The following SCGB2B2 variants were observed in gnomAD, a reference collection of about 807,000 sequenced individuals.
SCGB2B2 encodes secretoglobin family 2B member 2.
Under a neutral mutation model 7.6 loss-of-function variants are expected in SCGB2B2, and 11 were observed. That is an observed-to-expected ratio of 1.45 (90% CI 0.91 to 2.40). SCGB2B2 has a LOEUF of 2.40. SCGB2B2 is among the 30% of genes most tolerant of loss of function. The pLI is 0.00. For synonymous variants in SCGB2B2, 50 were observed against 48.6 expected, an observed-to-expected ratio of 1.03 and a Z score of -0.12; for missense variants, 104 against 115.4, an observed-to-expected ratio of 0.90 and a Z score of 0.45.
At chr19:34,671,462 A>G (rs747902290) in intron 1 of SCGB2B2, among the ~76,000 whole-genome samples, 23 of 151,666 alleles carry the variant, frequency 1.5e-4, no homozygotes, top group Non-Finnish European at 3.1e-4. Context: ...TTGCTATTCT[A>G]AGTGCTTTGT....
intron 1 of SCGB2B2, among the ~76,000 whole-genome samples, chr19:34,610,290 T>C (rs1305602943): frequency 6.6e-6 from 1 of 152,134 alleles, no homozygotes; most frequent in African/African-American, 2.4e-5. Context: ...CCAGGCTGTA[T>C]GCTCTTTATT....
At chr19:34,609,345 T>C (rs2065869872) in intron 1 of SCGB2B2, among the ~76,000 whole-genome samples, 1 of 152,072 alleles carries the variant, frequency 6.6e-6, no homozygotes, top group African/African-American at 2.4e-5. Flanking sequence ...CCTGTTTATT[T>C]TTTCTTTTTT....
chr19:34,626,634 G>T (rs902089749), intron 1 of SCGB2B2, among the ~76,000 whole-genome samples: 2 of 152,166 alleles, frequency 1.3e-5, no homozygotes, highest in Non-Finnish European at 2.9e-5. Flanking sequence ...ATGTCTGATT[G>T]GTGTACCTGA....
chr19:34,653,544 G>A (rs1293966117), intron 1 of SCGB2B2, among the ~76,000 whole-genome samples: 2 of 150,980 alleles, frequency 1.3e-5, no homozygotes, highest in East Asian at 3.8e-4. Context: ...AAAAGCTACA[G>A]TCTAATATCC....
chr19:34,652,999 C>T (rs2067198751), intron 1 of SCGB2B2, among the ~76,000 whole-genome samples: 1 of 151,222 alleles, frequency 6.6e-6, no homozygotes, highest in South Asian at 2.1e-4. Context: ...ATGTGGTATA[C>T]ATACACAATG....
Position 34,631,595 on chromosome 19 carries a change from G to A in SCGB2B2, c.-2031-35001C>T, listed in dbSNP as rs530192729. Among the ~76,000 whole-genome samples the A allele has an allele frequency of 3.0e-4, 46 of 152,014 alleles. 1 individual carries two copies. In the East Asian group the frequency reaches 8.7e-3, roughly 29 times the overall value. The stretch of plus-strand genomic sequence containing the variant: ...GGATATATACACTGAAACTATAAAA[G>A]ATTGCGGAGAAAAATTAAAGATCTA... On this transcript the variant is annotated intron_variant, in intron 1 of 3. Transcript: ENST00000601241.
At chr19:34,644,863 T>C (rs1242895607) in intron 1 of SCGB2B2, among the ~76,000 whole-genome samples, 3 of 152,264 alleles carry the variant, frequency 2.0e-5, no homozygotes, top group African/African-American at 7.2e-5. Flanking sequence ...AAGGCTCATA[T>C]GTAATAAGTA....
chr19:34,650,973 C>T lies in SCGB2B2; in HGVS notation c.-2032+24657G>A, dbSNP rs539114824. On this transcript the variant is annotated intron_variant, in intron 1 of 3. Transcript: ENST00000601241. ...GATACACAAATCAATAAAAGCAACA[C>T]ACTACACCAACAGAATGAGTACAAG... is the stretch of plus-strand genomic sequence containing the variant. Among the ~76,000 whole-genome samples the T allele has an allele frequency of 4.5e-4, 68 of 151,422 alleles. 1 individual carries two copies. Among genetic ancestry groups the T allele is most frequent in the Admixed American group, 4.3e-3 (66 of 15,272 alleles).
intron 1 of SCGB2B2, among the ~76,000 whole-genome samples, chr19:34,606,929 T>C (rs1234157429): frequency 6.6e-6 from 1 of 152,182 alleles, no homozygotes; most frequent in Non-Finnish European, 1.5e-5. Flanking sequence ...GACTCCTCTC[T>C]ACAATAGAGT....
Position 34,594,519 on chromosome 19 carries a change from G to A in SCGB2B2, c.45C>T (p.Ile15=). 6.2e-7 allele frequency: 1 copy of A among 1,613,704 alleles called. No individual in the cohort carries two copies. The highest frequency in any genetic ancestry group is 8.5e-7 in the Non-Finnish European group (1 of 1,180,004). ...SATCALLLAL[I]CSVQLGDACL... ...CTTTCTTACCCAGCTGGACGCTGCA[G>A]ATCAGAGCCAGCAGAAGAGCACAGG... Residue 15 remains isoleucine, a synonymous_variant, in exon 2 of 4, where the codon ATC becomes ATT. Transcript: ENST00000601241.
chr19:34,645,619 G>T, intron 1 of SCGB2B2: 1 of 307,674 alleles, frequency 3.3e-6, no homozygotes, highest in Admixed American at 4.1e-5. Flanking sequence ...CTCATCCATG[G>T]CCAAGTCCCT....
intron 1 of SCGB2B2, among the ~76,000 whole-genome samples, chr19:34,653,037 A>G (rs556109513): frequency 6.6e-6 from 1 of 151,544 alleles, no homozygotes; most frequent in African/African-American, 2.5e-5. Context: ...GAAAAAGAAT[A>G]AAATGCTGTC....
In SCGB2B2 at chr19:34,662,963, A is replaced by C. The variant is rs192384114; in HGVS notation, c.-2032+12667T>G. ...ACAAACAAACAAACAAACAAACAAA[A>C]AAAAACAATAAAAGTGCGGAAAAAG... On this transcript the variant is annotated intron_variant, in intron 1 of 3. Transcript: ENST00000601241. Among the ~76,000 whole-genome samples, 948 of 125,724 alleles carry C rather than the reference A, an allele frequency of 7.5e-3. 8 individuals carry two copies. The highest frequency in any genetic ancestry group is 0.021 in the African/African-American group (783 of 37,104). 82.5% of individuals were successfully genotyped at this position (125,724 alleles called of 152,430 possible). A position where few individuals can be genotyped will look rare whatever the true frequency, so the allele number is the denominator to read the frequency against.
At chr19:34,635,068 A>T in intron 1 of SCGB2B2, 3 of 295,472 alleles carry the variant, frequency 1.0e-5, no homozygotes, top group Non-Finnish European at 2.1e-5. Flanking sequence ...TTTGCAGCTG[A>T]AGCATTTCCC....
At chr19:34,671,024 A>T (rs2067789985) in intron 1 of SCGB2B2, among the ~76,000 whole-genome samples, 1 of 152,166 alleles carries the variant, frequency 6.6e-6, no homozygotes, top group African/African-American at 2.4e-5. Flanking sequence ...CCCGGGTTCA[A>T]GCAGTTCTCT....
At chr19:34,638,540 C>T (rs2066755310) in intron 1 of SCGB2B2, among the ~76,000 whole-genome samples, 1 of 151,832 alleles carries the variant, frequency 6.6e-6, no homozygotes, top group Non-Finnish European at 1.5e-5. Context: ...ATCGGCAAAG[C>T]TCATTGAATT....
intron 1 of SCGB2B2, among the ~76,000 whole-genome samples, chr19:34,674,491 T>C (rs1217633391): frequency 6.6e-6 from 1 of 152,190 alleles, no homozygotes; most frequent in Non-Finnish European, 1.5e-5. Flanking sequence ...GAAGCAACTA[T>C]ACCTACCATG....
chr19:34,593,287 T>C lies in SCGB2B2; in HGVS notation c.*268A>G. ...GTGAGCCAAGATCGCGCCAATGCAC[T>C]CCAGCCACCCTCCTCCCCGCCAAAA... On this transcript the variant is annotated 3_prime_UTR_variant, in exon 4 of 4. Coordinates refer to ENST00000601241, the MANE Select transcript of SCGB2B2 (RefSeq NM_001025591.4). The C allele has an allele frequency of 2.5e-6, 1 of 401,214 alleles. No homozygotes were observed. Among genetic ancestry groups the C allele is most frequent in the Non-Finnish European group, 4.5e-6 (1 of 221,366 alleles). 24.9% of individuals were successfully genotyped at this position (401,214 alleles called of 1,614,324 possible).
At chr19:34,650,092 T>C (rs1382493210) in intron 1 of SCGB2B2, among the ~76,000 whole-genome samples, 1 of 151,138 alleles carries the variant, frequency 6.6e-6, no homozygotes, top group Non-Finnish European at 1.5e-5. Context: ...AGACACTGAG[T>C]CACACTGGTT....
Sources: gnomAD v4.1 joint callset for allele counts (sites outside exome capture counted in the v4.1 genomes callset) on GRCh38, gnomAD v4.1.1 for gene constraint, MANE v1.5 for transcripts, NCBI Gene and HGNC (gene_info 2026-07-23, HGNC 2026-07-21) for gene names.